Variants in AXIN1 observed in about 807,000 individuals in gnomAD.
AXIN1 encodes axin-1.
A neutral mutation model predicts 76.4 loss-of-function variants in AXIN1; 30 were observed. The observed-to-expected ratio is 0.39, with a 90% confidence interval of 0.29 to 0.53. AXIN1 has a LOEUF of 0.53. AXIN1 is among the 20% of genes least tolerant of loss of function. The pLI is 0.66. For missense variants in AXIN1, 1,140 were observed against 1,198.8 expected (o/e 0.95, Z 0.72); for synonymous variants, 545 against 501.4 (o/e 1.09, Z -1.16).
At position 288,104 on chromosome 16, in the gene AXIN1, G is replaced by A. The variant is rs201338307; in HGVS notation, c.*18C>T. On this transcript the variant is annotated 3_prime_UTR_variant, in exon 11 of 11. Coordinates refer to ENST00000262320, the MANE Select transcript of AXIN1 (RefSeq NM_003502.4). ...CGCCAAGGGCCTCGCCTGGCACAGC[G>A]GCCAGCCCACCAGCCTATCAGTCCA... The A allele has an allele frequency of 1.7e-4, 268 of 1,612,994 alleles. 1 individual carries two copies. In the African/African-American group the frequency reaches 2.3e-3, roughly 14 times the overall value.
Position 341,572 on chromosome 16 carries a change from C to T in AXIN1, c.878+4576G>A, listed in dbSNP as rs542380073. 9.8e-5 allele frequency among the ~76,000 whole-genome samples: 15 copies of T among 152,334 alleles called. No individual in the cohort carries two copies. In the South Asian group the frequency reaches 2.3e-3, roughly 23 times the overall value. ...CCCCTCCGTGGGCTCCTGTGCGGACCGAGTCTCCCCGACGAGCGCCCGGTC... is the reference window on the plus strand; with the variant it reads ...CCCCTCCGTGGGCTCCTGTGCGGACTGAGTCTCCCCGACGAGCGCCCGGTC... On this transcript the variant is annotated intron_variant, in intron 2 of 10. Transcript: ENST00000262320.
At chr16:314,709 T>G (rs111593361) in intron 2 of AXIN1, 26 bp from the exon 3 acceptor site, 1 of 1,612,568 alleles carries the variant, frequency 6.2e-7, no homozygotes, top group Non-Finnish European at 8.5e-7. Flanking sequence ...CAGGGCATGT[T>G]AGTGACAGCC....
chr16:343,899 G>C (rs958321039), intron 2 of AXIN1, among the ~76,000 whole-genome samples: 2 of 151,202 alleles, frequency 1.3e-5, no homozygotes, highest in Non-Finnish European at 2.9e-5. Context: ...CCAGCTACTC[G>C]GGAGGCAGGA....
chr16:310,216 G>A, intron 3 of AXIN1, 147 bp from the exon 4 acceptor site: 2 of 718,826 alleles, frequency 2.8e-6, no homozygotes, highest in Non-Finnish European at 5.0e-6. Context: ...GTGCACACAG[G>A]TGATGCAGGC....
In AXIN1 at chr16:334,975, C is replaced by T. The variant is rs538994231; in HGVS notation, c.878+11173G>A. Reference sequence around the variant, plus strand: ...TGAGATATTTAATTTTTTTCTGCTTCTTTTAAAAGGAGTTTCACTTTACCC... The same window carrying T: ...TGAGATATTTAATTTTTTTCTGCTTTTTTTAAAAGGAGTTTCACTTTACCC... On this transcript the variant is annotated intron_variant, in intron 2 of 10. Coordinates refer to ENST00000262320, the MANE Select transcript of AXIN1 (RefSeq NM_003502.4). Among the ~76,000 whole-genome samples the T allele has an allele frequency of 6.6e-5, 10 of 152,270 alleles. 2 individuals carry two copies. The South Asian group carries it at 1.9e-3, about 28-fold the overall frequency.
intron 9 of AXIN1, 153 bp downstream of exon 9, chr16:291,037 G>A (rs1368170557): frequency 1.2e-5 from 9 of 731,318 alleles, no homozygotes; most frequent in African/African-American, 3.5e-5. Flanking sequence ...GGGCAGCTTC[G>A]AGTCTGATGC....
chr16:291,284 C>T lies in AXIN1; in HGVS notation c.2200G>A (p.Val734Ile), dbSNP rs1032947976. ...APSKQRYVQE[V>I]MRRGRACVRP... ...ACGCAGGCGCGTCCCCGCCGCATAA[C>T]CTCCTGCACATACCTAGGGAACAAC... The change falls in exon 9 of 11, where the codon GTT (valine) becomes ATT (isoleucine). Residue 734 changes from valine (V) to isoleucine (I), a missense_variant. Coordinates refer to ENST00000262320, the MANE Select transcript of AXIN1 (RefSeq NM_003502.4). The T allele has an allele frequency of 2.7e-5, 42 of 1,579,698 alleles. No homozygotes were observed. The highest frequency in any genetic ancestry group is 3.4e-5 in the Non-Finnish European group (39 of 1,163,700).
At chr16:330,886 TGGCAATTCCCAGCAAATTGCA>T (rs1261155426) in intron 2 of AXIN1, among the ~76,000 whole-genome samples, 1 of 152,228 alleles carries the variant, frequency 6.6e-6, no homozygotes, top group African/African-American at 2.4e-5. Flanking sequence ...CATTTGGAAG[TGGCAATTCCCAGCAAATTGCA>T]GGCAATTTAG....
rs554961101 is a variant in AXIN1 at position 335,013 on chromosome 16, C to T, written c.878+11135G>A. On this transcript the variant is annotated intron_variant, in intron 2 of 10. Transcript: ENST00000262320. Reference sequence around the variant, plus strand: ...TTTCACTTTACCCAAATGAACCAAACGCAACCAACTCATGAGAATCTACAA... The same window carrying T: ...TTTCACTTTACCCAAATGAACCAAATGCAACCAACTCATGAGAATCTACAA... Among the ~76,000 whole-genome samples the T allele has an allele frequency of 5.9e-5, 9 of 152,266 alleles. No homozygotes were observed. In the East Asian group the frequency reaches 1.3e-3, roughly 23 times the overall value.
At position 352,375 on chromosome 16, in the gene AXIN1, G is replaced by T. The variant is rs1457715108; in HGVS notation, c.-88C>A. On this transcript the variant is annotated 5_prime_UTR_variant, in exon 1 of 11. Transcript: ENST00000262320. Reference sequence around the variant, plus strand: ...GGAGCCCGGCCCTACTCACCCGCGCGCGGTGGTGGCGGGACCCCGGGCCCG... The same window carrying T: ...GGAGCCCGGCCCTACTCACCCGCGCTCGGTGGTGGCGGGACCCCGGGCCCG... 1.2e-4 allele frequency: 121 copies of T among 979,340 alleles called. No individual in the cohort carries two copies. The highest frequency in any genetic ancestry group is 1.4e-4 in the Non-Finnish European group (116 of 827,562). The allele number at this position is 979,340 out of a possible 1,614,324, so 60.7% of individuals were successfully genotyped here.
In AXIN1 at chr16:346,900, G is replaced by A. The variant is rs2054045507; in HGVS notation, c.126C>T (p.Tyr42=). The change falls in exon 2 of 11, where the codon TAC becomes TAT. Residue 42 remains tyrosine, a synonymous_variant. Coordinates refer to ENST00000262320, the MANE Select transcript of AXIN1 (RefSeq NM_003502.4). ...CAACACCTTTCCCGGAGCAGAAACT[G>A]TAGCTGGCGGGCCTCGGGTCTGTGG... The part of the protein sequence containing the change: ...LVSTDPRPAS[Y]SFCSGKGVGI... The A allele has an allele frequency of 6.2e-7, 1 of 1,613,814 alleles. No homozygotes were observed. The highest frequency in any genetic ancestry group is 2.2e-5 in the East Asian group (1 of 44,876).
At chr16:294,483 A>AAAG (rs2052654124) in intron 7 of AXIN1, among the ~76,000 whole-genome samples, 1 of 145,450 alleles carries the variant, frequency 6.9e-6, no homozygotes, top group Non-Finnish European at 1.5e-5. Context: ...AAAAAAAAAA[A>AAAG]ATGGCCAGGC....
chr16:306,218 A>T (rs1347359925), intron 4 of AXIN1, among the ~76,000 whole-genome samples: 2 of 152,118 alleles, frequency 1.3e-5, no homozygotes, highest in East Asian at 3.9e-4. Context: ...AACCAGTTAG[A>T]GTGTATTTAA....
chr16:307,965 C>T (rs1192154950), intron 4 of AXIN1, among the ~76,000 whole-genome samples: 2 of 152,204 alleles, frequency 1.3e-5, no homozygotes, highest in Non-Finnish European at 2.9e-5. Flanking sequence ...GAGGGACCTC[C>T]CACCGAAGGT....
intron 8 of AXIN1, chr16:291,569 AG>A: frequency 1.9e-6 from 1 of 530,308 alleles, no homozygotes; most frequent in Non-Finnish European, 3.5e-6. Flanking sequence ...GCTTCCGATC[AG>A]GGGTGCTGGG....
At chr16:296,448 C>A (rs1298243999) in intron 7 of AXIN1, among the ~76,000 whole-genome samples, 1 of 152,240 alleles carries the variant, frequency 6.6e-6, no homozygotes, top group Non-Finnish European at 1.5e-5. Flanking sequence ...CTCTGTGGGG[C>A]CCCTGGCCCT....
chr16:328,991 G>A (rs1232324182), intron 2 of AXIN1, among the ~76,000 whole-genome samples: 1 of 152,024 alleles, frequency 6.6e-6, no homozygotes, highest in Non-Finnish European at 1.5e-5. Context: ...TAAAATGATA[G>A]TGGGCTGGGC....
chr16:332,144 C>A lies in AXIN1; in HGVS notation c.878+14004G>T, dbSNP rs1327320661. Among the ~76,000 whole-genome samples the A allele has an allele frequency of 5.3e-5, 8 of 152,340 alleles. 1 individual carries two copies. The highest frequency in any genetic ancestry group is 1.7e-4 in the African/African-American group (7 of 41,560). On this transcript the variant is annotated intron_variant, in intron 2 of 10. Coordinates refer to ENST00000262320, the MANE Select transcript of AXIN1 (RefSeq NM_003502.4). ...AGCAGCGACAATGGTCCCTGACAGT[C>A]CTCTGTTCACAGCTCCTGCAGATGG...
At chr16:349,742 A>G (rs952098342) in intron 1 of AXIN1, among the ~76,000 whole-genome samples, 3 of 152,246 alleles carry the variant, frequency 2.0e-5, no homozygotes, top group Non-Finnish European at 2.9e-5. Context: ...CAGGGGCTGA[A>G]CTACTGTACC....
Sources: allele counts gnomAD v4.1 joint callset (sites outside exome capture counted in the v4.1 genomes callset), GRCh38; gene constraint gnomAD v4.1.1; transcripts MANE v1.5; gene names NCBI Gene and HGNC (gene_info 2026-07-23, HGNC 2026-07-21).